Variants in ESR1 observed in about 807,000 individuals in gnomAD.
ESR1 encodes the protein estrogen receptor 1, also known as estrogen receptor.
Under a neutral mutation model 52.7 loss-of-function variants are expected in ESR1, and 12 were observed. That is an observed-to-expected ratio of 0.23 (90% CI 0.15 to 0.37). ESR1 has a LOEUF of 0.37. Ranked by LOEUF, ESR1 falls within the 10% of genes least tolerant of loss-of-function variation. The pLI is 1.00. For synonymous variants in ESR1, 305 were observed against 316.8 expected (o/e 0.96, Z 0.39); for missense variants, 584 against 779.7 (o/e 0.75, Z 2.99).
chr6:151,764,256 C>T (rs1348926429), intron 2 of ESR1, among the ~76,000 whole-genome samples: 2 of 152,122 alleles, frequency 1.3e-5, no homozygotes, highest in East Asian at 3.9e-4. Flanking sequence ...GAGTCATGGG[C>T]CTGTCTGGTT....
At chr6:152,018,092 A>G (rs192555259) in intron 5 of ESR1, among the ~76,000 whole-genome samples, 9 of 152,276 alleles carry the variant, frequency 5.9e-5, no homozygotes, top group Non-Finnish European at 2.9e-5. Flanking sequence ...TGGACAACAG[A>G]AAGTTCTTTT....
intron 2 of ESR1, among the ~76,000 whole-genome samples, chr6:151,794,716 G>A (rs979401886): frequency 6.6e-6 from 1 of 152,074 alleles, no homozygotes; most frequent in Non-Finnish European, 1.5e-5. Flanking sequence ...AAACACACTA[G>A]ACTCGTGAGT....
chr6:151,939,869 G>A (rs4262200), intron 3 of ESR1, among the ~76,000 whole-genome samples: 119,604 of 151,990 alleles, frequency 0.79, 47,635 homozygotes, highest in African/African-American at 0.89. Context: ...TTTAACTGAA[G>A]CAAAAAAACA....
At chr6:151,934,782 G>C (rs2034148979) in intron 3 of ESR1, among the ~76,000 whole-genome samples, 1 of 152,196 alleles carries the variant, frequency 6.6e-6, no homozygotes, top group South Asian at 2.1e-4. Flanking sequence ...ACCAGGATGT[G>C]TGCAATTTGT....
chr6:151,899,207 G>C (rs1192054222), intron 3 of ESR1, among the ~76,000 whole-genome samples: 2 of 144,498 alleles, frequency 1.4e-5, no homozygotes, highest in Non-Finnish European at 3.1e-5. Flanking sequence ...CAGCTGGGCA[G>C]AGGCGCCCCT....
intron 1 of ESR1, among the ~76,000 whole-genome samples, chr6:151,679,583 G>A (rs1042762590): frequency 3.3e-5 from 5 of 151,950 alleles, no homozygotes; most frequent in Admixed American, 2.6e-4. Context: ...TCAAATTCCC[G>A]ACCTCAGGCG....
intron 4 of ESR1, among the ~76,000 whole-genome samples, chr6:151,991,783 G>A (rs941259605): frequency 2.0e-5 from 3 of 152,126 alleles, no homozygotes; most frequent in African/African-American, 7.2e-5. Flanking sequence ...GCAGTGCTAA[G>A]TTGAGTGTAG....
chr6:152,101,586 G>A lies in ESR1; in HGVS notation c.*2620G>A, dbSNP rs2050966494. ...AAATCTCTTTGTATTTTTACTTGAA[G>A]TGCCACTAATGGACAGCAGATATTT... On this transcript the variant is annotated 3_prime_UTR_variant, in exon 8 of 8. Coordinates refer to ENST00000206249, the MANE Select transcript of ESR1 (RefSeq NM_000125.4). The A allele has an allele frequency of 4.3e-6, 1 of 230,622 alleles. No homozygotes were observed. The highest frequency in any genetic ancestry group is 2.2e-5 in the African/African-American group (1 of 45,198). The allele number at this position is 230,622 out of a possible 1,614,324, so 14.3% of individuals were successfully genotyped here. A position where few individuals can be genotyped will look rare whatever the true frequency, so the allele number is the denominator to read the frequency against.
intron 2 of ESR1, among the ~76,000 whole-genome samples, chr6:151,774,190 A>G (rs997043550): frequency 1.3e-5 from 2 of 152,216 alleles, no homozygotes; most frequent in Non-Finnish European, 2.9e-5. Context: ...AGTTTGTAAA[A>G]GGTACTGGCA....
chr6:151,827,464 C>A (rs1429289721), intron 1 of ESR1, among the ~76,000 whole-genome samples: 2 of 151,782 alleles, frequency 1.3e-5, no homozygotes, highest in Non-Finnish European at 2.9e-5. Context: ...AGTCGAAAAT[C>A]CAATTAAAGG....
At chr6:151,680,797 C>G (rs1175114475) in intron 1 of ESR1, among the ~76,000 whole-genome samples, 5 of 152,166 alleles carry the variant, frequency 3.3e-5, no homozygotes, top group African/African-American at 1.2e-4. Flanking sequence ...GTTCCTAACA[C>G]CTACAACAAT....
At chr6:151,954,828 A>AT (rs545066990) in intron 4 of ESR1, among the ~76,000 whole-genome samples, 47 of 152,258 alleles carry the variant, frequency 3.1e-4, no homozygotes, top group Middle Eastern at 6.8e-3. Context: ...AATCAGATTT[A>AT]TTTTTTCTTT....
chr6:151,961,631 G>T (rs1057271448), intron 4 of ESR1, among the ~76,000 whole-genome samples: 16 of 152,082 alleles, frequency 1.1e-4, no homozygotes, highest in African/African-American at 3.9e-4. Flanking sequence ...GGGCTGCTTT[G>T]GGCACATGTG....
chr6:151,844,506 T>G (rs1354054896), intron 2 of ESR1, among the ~76,000 whole-genome samples: 1 of 152,174 alleles, frequency 6.6e-6, no homozygotes, highest in African/African-American at 2.4e-5. Context: ...AAGGGCCAGA[T>G]AATAATATTT....
At chr6:151,702,357 A>G (rs1330359805) in intron 2 of ESR1, among the ~76,000 whole-genome samples, 1 of 152,070 alleles carries the variant, frequency 6.6e-6, no homozygotes, top group Non-Finnish European at 1.5e-5. Context: ...TTTTCTTAAG[A>G]AAGAGCTTTT....
intron 2 of ESR1, among the ~76,000 whole-genome samples, chr6:151,714,304 T>C (rs1445886298): frequency 6.6e-6 from 1 of 152,214 alleles, no homozygotes; most frequent in Non-Finnish European, 1.5e-5. Context: ...AAGAAGAATG[T>C]ATGTTCTCTT....
At chr6:151,889,540 C>G (rs1271259176) in intron 3 of ESR1, among the ~76,000 whole-genome samples, 3 of 151,836 alleles carry the variant, frequency 2.0e-5, no homozygotes, top group African/African-American at 4.8e-5. Context: ...TTATTTGTGT[C>G]TTCTCACTTT....
intron 5 of ESR1, among the ~76,000 whole-genome samples, chr6:152,030,060 G>T (rs2044540465): frequency 1.3e-5 from 2 of 152,148 alleles, no homozygotes; most frequent in African/African-American, 4.8e-5. Flanking sequence ...AAGTGAAGGA[G>T]AAATAAAATA....
chr6:152,026,848 TATTA>T (rs1240737557), intron 5 of ESR1, among the ~76,000 whole-genome samples: 1 of 152,200 alleles, frequency 6.6e-6, no homozygotes, highest in African/African-American at 2.4e-5. Context: ...AACTTTGTAA[TATTA>T]ATTATACTTA....
Sources: allele counts gnomAD v4.1 joint callset (sites outside exome capture counted in the v4.1 genomes callset), GRCh38; gene constraint gnomAD v4.1.1; transcripts MANE v1.5; gene names NCBI Gene and HGNC (gene_info 2026-07-23, HGNC 2026-07-21).